The following FGF14 variants were observed in gnomAD, a reference collection of about 807,000 sequenced individuals.
FGF14 encodes the protein fibroblast growth factor homologous factor 4.
In FGF14, 5 loss-of-function variants were observed where a neutral mutation model predicts 25.5. That is an observed-to-expected ratio of 0.20 (90% CI 0.10 to 0.41). The LOEUF is 0.41. FGF14 is among the 10% of genes least tolerant of loss of function. FGF14 has a pLI of 1.00. For missense variants in FGF14, 222 were observed against 320.1 expected (o/e 0.69, Z 2.34); for synonymous variants, 138 against 118.3 (o/e 1.17, Z -1.08).
intron 1 of FGF14, among the ~76,000 whole-genome samples, chr13:102,166,437 T>C (rs1257852027): frequency 6.6e-6 from 1 of 152,210 alleles, no homozygotes; most frequent in Non-Finnish European, 1.5e-5. Flanking sequence ...GCCAGTCGTC[T>C]AGCAGATGCG....
At chr13:101,797,735 A>ATATGTGTGTGTG (rs533967581) in intron 3 of FGF14, among the ~76,000 whole-genome samples, 70 of 34,050 alleles carry the variant, frequency 2.1e-3, no homozygotes, top group East Asian at 0.012. Flanking sequence ...TCATGAATTG[A>ATATGTGTGTGTG]TGTGTGTGTG....
At chr13:102,071,419 T>G (rs929493730) in intron 1 of FGF14, among the ~76,000 whole-genome samples, 6 of 152,248 alleles carry the variant, frequency 3.9e-5, no homozygotes, top group African/African-American at 1.4e-4. Flanking sequence ...TTTAGATTGA[T>G]GACAGTCATC....
intron 1 of FGF14, among the ~76,000 whole-genome samples, chr13:102,324,892 T>C (rs181192453): frequency 7.2e-5 from 11 of 152,298 alleles, no homozygotes; most frequent in African/African-American, 2.2e-4. Context: ...CACTGTACCA[T>C]ATCGCCTGCT....
chr13:101,945,278 A>AT (rs1460545748), intron 1 of FGF14, among the ~76,000 whole-genome samples: 1 of 152,228 alleles, frequency 6.6e-6, no homozygotes, highest in Non-Finnish European at 1.5e-5. Context: ...AGATCGTGCC[A>AT]TTGCACTCCA....
intron 3 of FGF14, among the ~76,000 whole-genome samples, chr13:101,843,341 C>T (rs1365756496): frequency 2.0e-5 from 3 of 151,920 alleles, no homozygotes; most frequent in Non-Finnish European, 2.9e-5. Flanking sequence ...GCTACATCTA[C>T]TGTACAGCAA....
At chr13:101,884,820 CCT>C (rs1337053704) in intron 1 of FGF14, among the ~76,000 whole-genome samples, 1 of 151,394 alleles carries the variant, frequency 6.6e-6, no homozygotes, top group Non-Finnish European at 1.5e-5. Flanking sequence ...GTTTAGGATC[CCT>C]GTCTCCCTGC....
At chr13:102,132,685 A>C (rs1218696409) in intron 1 of FGF14, among the ~76,000 whole-genome samples, 1 of 151,858 alleles carries the variant, frequency 6.6e-6, no homozygotes, top group African/African-American at 2.4e-5. Context: ...TCACTTGGCT[A>C]ATTTTTTGCA....
intron 1 of FGF14, among the ~76,000 whole-genome samples, chr13:102,237,382 C>T (rs2051375519): frequency 6.6e-6 from 1 of 152,150 alleles, no homozygotes; most frequent in Non-Finnish European, 1.5e-5. Flanking sequence ...CCAGCAAAAG[C>T]CCCGGAGAGG....
At position 101,717,807 on chromosome 13, in the gene FGF14, G is replaced by A. The variant is rs1265465702; in HGVS notation, c.*5024C>T. 1 of 152,124 alleles carries A rather than the reference G, an allele frequency of 6.6e-6. No individual in the cohort carries two copies. The highest frequency in any genetic ancestry group is 2.4e-5 in the African/African-American group (1 of 41,428). 9.4% of individuals were successfully genotyped at this position (152,124 alleles called of 1,614,324 possible). Reference sequence around the variant, plus strand: ...TACTTTGTCAGCCTCAGCTCCACTGGAACTGCCCTTGATTCTCTATAGCTC... The same window carrying A: ...TACTTTGTCAGCCTCAGCTCCACTGAAACTGCCCTTGATTCTCTATAGCTC... On this transcript the variant is annotated 3_prime_UTR_variant, in exon 5 of 5. Transcript: ENST00000376143.
intron 1 of FGF14, among the ~76,000 whole-genome samples, chr13:102,309,114 C>CA (rs2055579569): frequency 7.6e-6 from 1 of 131,606 alleles, no homozygotes; most frequent in Admixed American, 7.8e-5. Flanking sequence ...TGCACCCACA[C>CA]AAATGCATAC....
At chr13:102,090,583 C>A (rs552879808) in intron 1 of FGF14, among the ~76,000 whole-genome samples, 1 of 152,200 alleles carries the variant, frequency 6.6e-6, no homozygotes, top group Non-Finnish European at 1.5e-5. Context: ...CAGGCTCTGA[C>A]TGTAATGGTC....
At chr13:101,979,066 C>T (rs888429614) in intron 1 of FGF14, among the ~76,000 whole-genome samples, 9 of 152,192 alleles carry the variant, frequency 5.9e-5, no homozygotes, top group Non-Finnish European at 1.0e-4. Context: ...GAGTGCAAGT[C>T]CTGCAAGGAG....
intron 3 of FGF14, among the ~76,000 whole-genome samples, chr13:101,867,731 T>C (rs1310114267): frequency 1.3e-5 from 2 of 152,102 alleles, no homozygotes; most frequent in Non-Finnish European, 2.9e-5. Context: ...GGGAACACCC[T>C]TCAGGGAACT....
In FGF14 at chr13:102,388,133, T is replaced by G. The variant is rs72649406; in HGVS notation, c.208+13338A>C. Among the ~76,000 whole-genome samples, 316 of 152,268 alleles carry G rather than the reference T, an allele frequency of 2.1e-3. 2 individuals carry two copies. Among genetic ancestry groups the G allele is most frequent in the Non-Finnish European group, 3.1e-3 (211 of 68,022 alleles). ...CTTCTTTGTGTCCATGTGTACTCAA[T>G]GTAGAAAACATCATTTTGCAGGGAA... On this transcript the variant is annotated intron_variant, in intron 1 of 4. Transcript: ENST00000376131.
intron 1 of FGF14, among the ~76,000 whole-genome samples, chr13:102,393,413 G>A (rs557870313): frequency 1.7e-3 from 252 of 152,234 alleles, no homozygotes; most frequent in Non-Finnish European, 3.1e-3. Context: ...TAAAAAGCAC[G>A]TGGACCTAAA....
intron 1 of FGF14, among the ~76,000 whole-genome samples, chr13:102,187,157 C>T (rs1039235804): frequency 1.2e-4 from 18 of 152,118 alleles, no homozygotes; most frequent in Non-Finnish European, 1.0e-4. Context: ...GCACTGCCTC[C>T]GTCTAATCAG....
At chr13:101,927,740 C>A (rs554903977) in intron 1 of FGF14, among the ~76,000 whole-genome samples, 2 of 152,230 alleles carry the variant, frequency 1.3e-5, no homozygotes, top group African/African-American at 4.8e-5. Context: ...AGCTTCCCTG[C>A]CTCTCCGGGG....
At chr13:102,249,353 C>T (rs1235942087) in intron 1 of FGF14, among the ~76,000 whole-genome samples, 1 of 152,124 alleles carries the variant, frequency 6.6e-6, no homozygotes, top group Non-Finnish European at 1.5e-5. Flanking sequence ...TCAGAGAGCA[C>T]AAGTGCTAAA....
chr13:102,132,426 T>C (rs2140417280), intron 1 of FGF14, among the ~76,000 whole-genome samples: 1 of 152,140 alleles, frequency 6.6e-6, no homozygotes, highest in East Asian at 1.9e-4. Context: ...CAGACAGATG[T>C]GGACATACAG....
Sources: allele counts gnomAD v4.1 joint callset (sites outside exome capture counted in the v4.1 genomes callset), GRCh38; gene constraint gnomAD v4.1.1; transcripts MANE v1.5; gene names NCBI Gene and HGNC (gene_info 2026-07-23, HGNC 2026-07-21).